The following KLF12 variants were observed in gnomAD, a reference collection of about 807,000 sequenced individuals.
KLF12 encodes the protein Krueppel-like factor 12.
KLF12 carries 9 observed loss-of-function variants against 37.8 expected under a neutral mutation model. The observed-to-expected ratio is 0.24, with a 90% CI of 0.14 to 0.42. The LOEUF (loss-of-function observed/expected upper bound fraction) is 0.42. KLF12 is among the 10% of genes least tolerant of loss of function. KLF12 has a pLI of 1.00. For synonymous variants in KLF12, 208 were observed against 202.1 expected (o/e 1.03, Z -0.25); for missense variants, 411 against 516.0 (o/e 0.80, Z 1.97).
intron 7 of KLF12, among the ~76,000 whole-genome samples, chr13:73,704,790 C>T (rs1874815546): frequency 6.6e-6 from 1 of 152,060 alleles, no homozygotes; most frequent in Non-Finnish European, 1.5e-5. Flanking sequence ...CAGTGCCGTA[C>T]TGTGGATGAC....
At chr13:74,130,841 G>T (rs1427057326) in intron 1 of KLF12, among the ~76,000 whole-genome samples, 1 of 152,146 alleles carries the variant, frequency 6.6e-6, no homozygotes, top group Non-Finnish European at 1.5e-5. Context: ...TCTACAGCTA[G>T]ATTTATGAAC....
the KLF12 span, among the ~76,000 whole-genome samples, chr13:74,161,927 A>C: frequency 1.3e-5 from 2 of 152,198 alleles, no homozygotes; most frequent in Non-Finnish European, 2.9e-5. Flanking sequence ...ATTAATCTAG[A>C]GATGATGTAC....
chr13:74,148,156 C>T, the KLF12 span, among the ~76,000 whole-genome samples: 1 of 152,054 alleles, frequency 6.6e-6, no homozygotes, highest in East Asian at 1.9e-4. Flanking sequence ...ACCTGATGAT[C>T]CACCCGCCTC....
intron 2 of KLF12, among the ~76,000 whole-genome samples, chr13:73,966,646 C>A (rs1346157486): frequency 6.6e-6 from 1 of 152,204 alleles, no homozygotes; most frequent in Non-Finnish European, 1.5e-5. Flanking sequence ...CTCACTGACA[C>A]ACAAAGTAGT....
intron 2 of KLF12, among the ~76,000 whole-genome samples, chr13:73,945,130 G>T (rs1161453041): frequency 6.6e-6 from 1 of 152,152 alleles, no homozygotes; most frequent in Non-Finnish European, 1.5e-5. Context: ...ATCTTCAGGT[G>T]TTCACCTTTA....
At chr13:74,287,372 G>GAGAA in the KLF12 span, among the ~76,000 whole-genome samples, 1 of 151,302 alleles carries the variant, frequency 6.6e-6, no homozygotes, top group African/African-American at 2.4e-5. Context: ...GAGAGAGAGA[G>GAGAA]AGAGAGAGAG....
intron 1 of KLF12, among the ~76,000 whole-genome samples, chr13:74,051,052 C>T (rs935813643): frequency 1.3e-5 from 2 of 151,924 alleles, no homozygotes; most frequent in African/African-American, 2.4e-5. Context: ...GGTGAGACTG[C>T]GGAGAAAAGG....
intron 6 of KLF12, among the ~76,000 whole-genome samples, chr13:73,725,345 C>T (rs1280621899): frequency 6.6e-6 from 1 of 152,196 alleles, no homozygotes; most frequent in Non-Finnish European, 1.5e-5. Flanking sequence ...CGTGATCTGC[C>T]TGCCTTGGCC....
At chr13:73,955,996 T>A (rs552278770) in intron 2 of KLF12, among the ~76,000 whole-genome samples, 1 of 152,200 alleles carries the variant, frequency 6.6e-6, no homozygotes, top group Non-Finnish European at 1.5e-5. Flanking sequence ...AGGATGTACA[T>A]GCATGTACAT....
In KLF12 at chr13:73,953,970, C is replaced by CTTTTTT. The variant is rs67945624; in HGVS notation, c.34-9906_34-9901dup. On this transcript the variant is annotated intron_variant, in intron 2 of 7. Coordinates refer to ENST00000377669, the MANE Select transcript of KLF12 (RefSeq NM_007249.5). ...AGTAATTAGGTTTTGTTTTTTCTTT[C>CTTTTTT]TTTTTTTTTTTTTTTTTTTTTTTTT... 3.0e-4 allele frequency among the ~76,000 whole-genome samples: 27 copies of CTTTTTT among 88,534 alleles called. 3 individuals are homozygous for CTTTTTT. Among genetic ancestry groups the CTTTTTT allele is most frequent in the African/African-American group, 1.2e-3 (27 of 22,676 alleles). The allele number at this position is 88,534 out of a possible 152,430, so 58.1% of individuals were successfully genotyped here.
chr13:73,842,316 A>C (rs1254678623), intron 4 of KLF12, among the ~76,000 whole-genome samples: 3 of 151,990 alleles, frequency 2.0e-5, no homozygotes, highest in African/African-American at 7.2e-5. Context: ...CCACTGGGCA[A>C]CTCCCTGGCT....
rs187518534 is a variant in KLF12 at position 74,048,434 on chromosome 13, T to C, written c.-31-53381A>G. On this transcript the variant is annotated intron_variant, in intron 1 of 7. Coordinates refer to ENST00000377669, the MANE Select transcript of KLF12 (RefSeq NM_007249.5). ...GTTCTCTCAAGGACTGTTTTTTTTTTCCCAAAATGAGAACTTTTAGGCATT... is the reference window on the plus strand; with the variant it reads ...GTTCTCTCAAGGACTGTTTTTTTTTCCCCAAAATGAGAACTTTTAGGCATT... Among the ~76,000 whole-genome samples, 449 of 152,200 alleles carry C rather than the reference T, an allele frequency of 3.0e-3. 4 individuals carry two copies. Among genetic ancestry groups the C allele is most frequent in the African/African-American group, 9.6e-3 (397 of 41,534 alleles).
At chr13:73,791,968 A>T (rs145798955) in intron 5 of KLF12, among the ~76,000 whole-genome samples, 1 of 152,278 alleles carries the variant, frequency 6.6e-6, no homozygotes, top group East Asian at 1.9e-4. Flanking sequence ...CACTGACCTA[A>T]ATCAGCTATT....
intron 6 of KLF12, among the ~76,000 whole-genome samples, chr13:73,728,908 G>A (rs1876858651): frequency 6.6e-6 from 1 of 152,164 alleles, no homozygotes; most frequent in Non-Finnish European, 1.5e-5. Flanking sequence ...GATAATGCTG[G>A]TATCAAAGAA....
intron 3 of KLF12, among the ~76,000 whole-genome samples, chr13:73,902,470 G>A (rs1168168389): frequency 6.6e-6 from 1 of 152,148 alleles, no homozygotes; most frequent in Non-Finnish European, 1.5e-5. Flanking sequence ...ACCAAGCTTA[G>A]GAAGATTAAG....
chr13:74,137,042 G>A (rs1023149945), upstream of KLF12, among the ~76,000 whole-genome samples: 41 of 152,208 alleles, frequency 2.7e-4, no homozygotes, highest in African/African-American at 9.4e-4. Context: ...ACACACGCAT[G>A]CGTTTCCAAA....
At chr13:74,014,473 A>G (rs1892637599) in intron 1 of KLF12, among the ~76,000 whole-genome samples, 1 of 152,204 alleles carries the variant, frequency 6.6e-6, no homozygotes, top group African/African-American at 2.4e-5. Flanking sequence ...CATTATCACT[A>G]CTCAAATATT....
upstream of KLF12, among the ~76,000 whole-genome samples, chr13:74,134,194 G>GC (rs1257551884): frequency 1.3e-5 from 2 of 151,710 alleles, no homozygotes; most frequent in Non-Finnish European, 2.9e-5. Context: ...TGAGGGGGGG[G>GC]GCCGAAAACA....
At chr13:73,734,456 A>G (rs575714458) in intron 6 of KLF12, among the ~76,000 whole-genome samples, 12 of 152,274 alleles carry the variant, frequency 7.9e-5, no homozygotes, top group African/African-American at 2.9e-4. Context: ...TTTAAGTACT[A>G]ATTATTAAAG....
Sources: gnomAD v4.1 joint callset for allele counts (sites outside exome capture counted in the v4.1 genomes callset) on GRCh38, gnomAD v4.1.1 for gene constraint, MANE v1.5 for transcripts, NCBI Gene and HGNC (gene_info 2026-07-23, HGNC 2026-07-21) for gene names.